Variants in ARFGEF3 observed in about 807,000 individuals in gnomAD.
ARFGEF3 encodes the protein brefeldin A-inhibited guanine nucleotide-exchange protein 3.
In ARFGEF3, 96 loss-of-function variants were observed where a neutral mutation model predicts 221.7. The ratio of observed to expected loss-of-function variants is 0.43; its 90% confidence interval spans 0.37 to 0.51. The LOEUF (loss-of-function observed/expected upper bound fraction) is 0.51, where lower values mean the gene tolerates loss of function less well. ARFGEF3 is among the 20% of genes least tolerant of loss of function. The pLI is 0.00. For synonymous variants in ARFGEF3, 1,145 were observed against 1,126.8 expected (o/e 1.02, Z -0.32); for missense variants, 2,410 against 2,789.9 (o/e 0.86, Z 3.07).
chr6:138,295,612 A>G (rs1287390154), intron 20 of ARFGEF3, among the ~76,000 whole-genome samples: 1 of 149,340 alleles, frequency 6.7e-6, no homozygotes, highest in Non-Finnish European at 1.5e-5. Context: ...CCTGGGCGAC[A>G]GAGTGAGACT....
intron 2 of ARFGEF3, among the ~76,000 whole-genome samples, chr6:138,185,059 G>T (rs1777155591): frequency 6.6e-6 from 1 of 152,184 alleles, no homozygotes; most frequent in Admixed American, 6.5e-5. Flanking sequence ...ACCTGACTAG[G>T]TATAGGATCT....
At chr6:138,166,039 A>T (rs950978162) in intron 1 of ARFGEF3, among the ~76,000 whole-genome samples, 2 of 152,222 alleles carry the variant, frequency 1.3e-5, no homozygotes, top group African/African-American at 4.8e-5. Flanking sequence ...GCTTCCTGGA[A>T]GTAAAATTAA....
chr6:138,297,539 G>T (rs1466309330), intron 21 of ARFGEF3, among the ~76,000 whole-genome samples: 1 of 152,232 alleles, frequency 6.6e-6, no homozygotes, highest in East Asian at 1.9e-4. Context: ...GCCCTGCTTT[G>T]CAGTGATAAC....
At chr6:138,272,236 A>G (rs1048149422) in intron 12 of ARFGEF3, among the ~76,000 whole-genome samples, 19 of 151,932 alleles carry the variant, frequency 1.3e-4, no homozygotes, top group African/African-American at 4.6e-4. Flanking sequence ...GCTCACTGCA[A>G]CCTCCGCCTC....
intron 4 of ARFGEF3, among the ~76,000 whole-genome samples, chr6:138,223,917 C>G (rs1407910151): frequency 6.6e-6 from 1 of 152,184 alleles, no homozygotes. Context: ...GATGTTAGCT[C>G]TGCAAGATAA....
intron 12 of ARFGEF3, among the ~76,000 whole-genome samples, chr6:138,276,692 G>A (rs1315834416): frequency 6.6e-6 from 1 of 152,078 alleles, no homozygotes; most frequent in Non-Finnish European, 1.5e-5. Context: ...TTGAGGCAGA[G>A]TATCTTTCTG....
chr6:138,195,504 G>A (rs1027522890), intron 2 of ARFGEF3, among the ~76,000 whole-genome samples: 2 of 151,982 alleles, frequency 1.3e-5, no homozygotes, highest in African/African-American at 2.4e-5. Flanking sequence ...AACCATGTAC[G>A]GTATATAATC....
chr6:138,190,930 G>C (rs1333911158), intron 2 of ARFGEF3, among the ~76,000 whole-genome samples: 1 of 152,074 alleles, frequency 6.6e-6, no homozygotes, highest in Non-Finnish European at 1.5e-5. Flanking sequence ...AAGGGTGTAG[G>C]CTTTTGTGTC....
chr6:138,176,300 G>C (rs1776945082), intron 2 of ARFGEF3, among the ~76,000 whole-genome samples: 1 of 151,254 alleles, frequency 6.6e-6, no homozygotes, highest in Non-Finnish European at 1.5e-5. Flanking sequence ...TCCTGCCTCA[G>C]CCTCCCAAAT....
chr6:138,204,859 C>T (rs1024144840), intron 2 of ARFGEF3, among the ~76,000 whole-genome samples: 2 of 152,196 alleles, frequency 1.3e-5, no homozygotes, highest in South Asian at 4.1e-4. Context: ...TCTTTCAACT[C>T]AGCCAAAACC....
At chr6:138,329,142 C>T (rs1159747189) in intron 32 of ARFGEF3, among the ~76,000 whole-genome samples, 1 of 152,222 alleles carries the variant, frequency 6.6e-6, no homozygotes, top group Non-Finnish European at 1.5e-5. Flanking sequence ...TAAACACTAT[C>T]ATCCTCCCTT....
At chr6:138,310,585 C>T (rs781669255) in intron 24 of ARFGEF3, among the ~76,000 whole-genome samples, 1 of 152,134 alleles carries the variant, frequency 6.6e-6, no homozygotes. Context: ...TGCCTCTTTG[C>T]TTCTGAATTT....
chr6:138,315,714 G>T (rs751480099), intron 26 of ARFGEF3, among the ~76,000 whole-genome samples: 1 of 151,894 alleles, frequency 6.6e-6, no homozygotes, highest in Non-Finnish European at 1.5e-5. Flanking sequence ...GTCAAGCGTG[G>T]TGGGGGGGCG....
intron 12 of ARFGEF3, among the ~76,000 whole-genome samples, chr6:138,267,816 A>G (rs953142491): frequency 6.6e-6 from 1 of 152,224 alleles, no homozygotes; most frequent in Non-Finnish European, 1.5e-5. Context: ...CAGACCAAAC[A>G]TGTTTTATGA....
rs778593834 is a variant in ARFGEF3 at position 138,262,681 on chromosome 6, C to T, written c.1218-20C>T. On this transcript the variant is annotated intron_variant, in intron 11 of 33. Coordinates refer to ENST00000251691, the MANE Select transcript of ARFGEF3 (RefSeq NM_020340.5). Reference sequence around the variant, plus strand: ...ACATTTTATGCATTTATTCCATTTTCTCTTTTGAACACTGTTTAGCATCAT... The same window carrying T: ...ACATTTTATGCATTTATTCCATTTTTTCTTTTGAACACTGTTTAGCATCAT... 6.4e-7 allele frequency: 1 copy of T among 1,565,504 alleles called. No homozygotes were observed. The highest frequency in any genetic ancestry group is 1.4e-5 in the African/African-American group (1 of 73,586).
At chr6:138,282,477 C>T (rs1376871332) in intron 14 of ARFGEF3, among the ~76,000 whole-genome samples, 1 of 152,074 alleles carries the variant, frequency 6.6e-6, no homozygotes, top group Non-Finnish European at 1.5e-5. Context: ...ACTGGGGGCT[C>T]TTACAAGGTG....
intron 4 of ARFGEF3, among the ~76,000 whole-genome samples, chr6:138,211,621 C>T (rs557358258): frequency 3.9e-5 from 6 of 152,110 alleles, no homozygotes; most frequent in Non-Finnish European, 4.4e-5. Flanking sequence ...TGGTGTCATA[C>T]TAAGAGATGC....
At chr6:138,186,622 T>C (rs1014409358) in intron 2 of ARFGEF3, among the ~76,000 whole-genome samples, 7 of 152,298 alleles carry the variant, frequency 4.6e-5, no homozygotes, top group African/African-American at 1.7e-4. Flanking sequence ...GAGCTGACCA[T>C]GCTGTTGGGC....
chr6:138,186,828 T>C (rs1165777536), intron 2 of ARFGEF3, among the ~76,000 whole-genome samples: 1 of 151,656 alleles, frequency 6.6e-6, no homozygotes, highest in Non-Finnish European at 1.5e-5. Flanking sequence ...TAGACTCTGC[T>C]GCTCTTCTCA....
Sources: allele counts gnomAD v4.1 joint callset (sites outside exome capture counted in the v4.1 genomes callset), GRCh38; gene constraint gnomAD v4.1.1; transcripts MANE v1.5; gene names NCBI Gene and HGNC (gene_info 2026-07-23, HGNC 2026-07-21).